DAAM2: variants seen among roughly 807,000 people sequenced by gnomAD.
DAAM2 encodes the protein dishevelled associated activator of morphogenesis 2.
DAAM2 carries 39 observed loss-of-function variants against 120.7 expected under a neutral mutation model. That is an observed-to-expected ratio of 0.32 (90% CI 0.25 to 0.42). DAAM2 has a LOEUF of 0.42. DAAM2 is among the 10% of genes least tolerant of loss of function. The pLI is 1.00. For missense variants in DAAM2, 1,283 were observed against 1,401.7 expected (o/e 0.92, Z 1.35); for synonymous variants, 488 against 524.9 (o/e 0.93, Z 0.96).
intron 11 of DAAM2, among the ~76,000 whole-genome samples, chr6:39,875,867 G>A (rs1365703800): frequency 1.3e-5 from 2 of 152,152 alleles, no homozygotes; most frequent in Admixed American, 6.5e-5. Context: ...ACACATTAAC[G>A]TAGAACAAGG....
rs559076713 is a variant in DAAM2 at position 39,878,814 on chromosome 6, T to C, written c.1545+226T>C. Reference sequence around the variant, plus strand: ...GTGACACTGTGCCAGGAAGCACACCTTGGACAGCAGAGTGCAGCTGGAATT... The same window carrying C: ...GTGACACTGTGCCAGGAAGCACACCCTGGACAGCAGAGTGCAGCTGGAATT... On this transcript the variant is annotated intron_variant, in intron 13 of 24. Coordinates refer to ENST00000274867, the MANE Select transcript of DAAM2 (RefSeq NM_001201427.2). The surrounding 1 kb of genome is among the most constrained non-coding windows in gnomAD (Gnocchi z 5.0). 1.5e-4 allele frequency among the ~76,000 whole-genome samples: 23 copies of C among 152,288 alleles called. No individual in the cohort carries two copies. Among genetic ancestry groups the C allele is most frequent in the African/African-American group, 4.8e-4 (20 of 41,540 alleles).
At chr6:39,884,776 G>A (rs577512978) in intron 15 of DAAM2, 1 of 152,680 alleles carries the variant, frequency 6.5e-6, no homozygotes, top group South Asian at 2.1e-4. Flanking sequence ...TGTTCCTGAG[G>A]TGGGAATCTG....
Position 39,901,152 on chromosome 6 carries a change from GTCTTCTCACC to G in DAAM2, c.2812-144_2812-135del. 2.2e-5 allele frequency: 15 copies of G among 690,308 alleles called. No individual in the cohort carries two copies. The South Asian group carries it at 2.7e-4, about 12-fold the overall frequency. The allele number at this position is 690,308 out of a possible 1,614,324, so 42.8% of individuals were successfully genotyped here. On this transcript the variant is annotated intron_variant, in intron 23 of 24. Transcript: ENST00000274867. The surrounding 1 kb of genome is among the most constrained non-coding windows in gnomAD (Gnocchi z 4.5). ...CTCTGATCCTGATGATGATGGGGGT[GTCTTCTCACC>G]TCTTCCAGCCCTGCCCCCTGTGCCA... is the stretch of plus-strand genomic sequence containing the variant.
intron 1 of DAAM2, among the ~76,000 whole-genome samples, chr6:39,826,297 C>T (rs960164264): frequency 5.9e-5 from 9 of 151,994 alleles, no homozygotes; most frequent in African/African-American, 1.9e-4. Flanking sequence ...AGGGTCTTCT[C>T]CTTACCTGCT....
chr6:39,798,279 C>T (rs192962999), intron 1 of DAAM2, among the ~76,000 whole-genome samples: 15 of 152,260 alleles, frequency 9.9e-5, no homozygotes, highest in African/African-American at 3.4e-4. Context: ...TCTCAGTTTT[C>T]GCATCTGAAA....
chr6:39,853,764 C>G lies in DAAM2; in HGVS notation c.-56-2483C>G, dbSNP rs573101905. On this transcript the variant is annotated intron_variant, in intron 1 of 24. Transcript: ENST00000274867. ...CATGGTGCTGTCATCCCAGCCTCCC[C>G]GCTGCCTCTCGGAGCTCCCTTCCCA... 9.8e-4 allele frequency among the ~76,000 whole-genome samples: 150 copies of G among 152,322 alleles called. 1 individual carries two copies. The highest frequency in any genetic ancestry group is 3.4e-3 in the Middle Eastern group (1 of 294).
chr6:39,837,618 G>T (rs1282899980), intron 1 of DAAM2, among the ~76,000 whole-genome samples: 4 of 126,788 alleles, frequency 3.2e-5, no homozygotes, highest in African/African-American at 1.3e-4. Context: ...AGCCGAGATC[G>T]CACCATTGCA....
At chr6:39,850,787 G>A (rs1052415832) in intron 1 of DAAM2, among the ~76,000 whole-genome samples, 3 of 152,186 alleles carry the variant, frequency 2.0e-5, no homozygotes, top group Non-Finnish European at 4.4e-5. Context: ...GGGACAGATA[G>A]TCAATACCAT....
intron 1 of DAAM2, among the ~76,000 whole-genome samples, chr6:39,849,536 T>C (rs7762342): frequency 0.34 from 52,364 of 152,072 alleles, 10,001 homozygotes; most frequent in Non-Finnish European, 0.43. Context: ...TTCCCCTGTT[T>C]TATGGCTGAA....
In DAAM2 at chr6:39,864,973, C is replaced by T. The variant is rs199678029; in HGVS notation, c.334-7C>T. 8 of 1,596,362 alleles carry T rather than the reference C, an allele frequency of 5.0e-6. No homozygotes were observed. The highest frequency in any genetic ancestry group is 6.0e-6 in the Non-Finnish European group (7 of 1,171,744). ...CAGGCAGCCCCTTTCTACCTGCTGG[C>T]CCTCAGATGCAGAGTCTGTACGCGT... On this transcript the variant is annotated splice_polypyrimidine_tract_variant and splice_region_variant and intron_variant, in intron 4 of 24. Coordinates refer to ENST00000274867, the MANE Select transcript of DAAM2 (RefSeq NM_001201427.2).
At chr6:39,853,914 AC>A (rs1205180787) in intron 1 of DAAM2, among the ~76,000 whole-genome samples, 1 of 151,986 alleles carries the variant, frequency 6.6e-6, no homozygotes, top group Non-Finnish European at 1.5e-5. Context: ...TGGGCAGGGG[AC>A]CCCAGGGATT....
chr6:39,828,895 C>T (rs74542515), intron 1 of DAAM2, among the ~76,000 whole-genome samples: 8,227 of 152,106 alleles, frequency 0.054, 628 homozygotes, highest in African/African-American at 0.17. Context: ...AAGGCCCCAC[C>T]CTTAGTATTA....
In DAAM2 at chr6:39,832,113, C is replaced by T. The variant is rs1023104954; in HGVS notation, c.-56-24134C>T. ...AACAGGTGTACTGGGGGGACAGGTA[C>T]GCTAGGGAGGCAGGTGCACTGGTGC... On this transcript the variant is annotated intron_variant, in intron 1 of 24. Coordinates refer to ENST00000274867, the MANE Select transcript of DAAM2 (RefSeq NM_001201427.2). Among the ~76,000 whole-genome samples the T allele has an allele frequency of 3.3e-5, 5 of 151,278 alleles. No individual in the cohort carries two copies. The South Asian group carries it at 6.3e-4, about 19-fold the overall frequency.
At chr6:39,884,689 A>G (rs1037152202) in intron 15 of DAAM2, 10 of 153,320 alleles carry the variant, frequency 6.5e-5, no homozygotes, top group African/African-American at 2.4e-4. Flanking sequence ...TCAAGGCTCT[A>G]TGTGCAGGTG....
intron 21 of DAAM2, among the ~76,000 whole-genome samples, chr6:39,897,736 G>T (rs537184046): frequency 4.6e-5 from 7 of 152,046 alleles, no homozygotes; most frequent in Admixed American, 6.6e-5. Context: ...TCTCCACCTA[G>T]GGGTGTGTTT....
intron 1 of DAAM2, among the ~76,000 whole-genome samples, chr6:39,852,703 C>T (rs114952179): frequency 0.011 from 1,682 of 152,300 alleles, 30 homozygotes; most frequent in African/African-American, 0.039. Context: ...CAGGGTGTCA[C>T]GGATGAGGAA....
chr6:39,794,031 A>G (rs537434418), intron 1 of DAAM2, among the ~76,000 whole-genome samples: 1 of 152,324 alleles, frequency 6.6e-6, no homozygotes, highest in Non-Finnish European at 1.5e-5. Context: ...AGGATTTTAG[A>G]AATTATATAA....
intron 2 of DAAM2, among the ~76,000 whole-genome samples, chr6:39,858,773 G>A (rs150855834): frequency 8.9e-4 from 135 of 152,294 alleles, no homozygotes; most frequent in African/African-American, 3.0e-3. Context: ...TGTTGGCCTA[G>A]GGGTACAAGT....
intron 1 of DAAM2, among the ~76,000 whole-genome samples, chr6:39,850,626 T>A (rs1387054481): frequency 6.6e-6 from 1 of 152,208 alleles, no homozygotes; most frequent in Non-Finnish European, 1.5e-5. Flanking sequence ...AACTTGGTCT[T>A]TGGGCAACTT....
Sources: allele counts gnomAD v4.1 joint callset (sites outside exome capture counted in the v4.1 genomes callset), GRCh38; gene constraint gnomAD v4.1.1; non-coding constraint Gnocchi (gnomAD v3.1); transcripts MANE v1.5; gene names NCBI Gene and HGNC (gene_info 2026-07-23, HGNC 2026-07-21).